The following IPO8 variants were observed in gnomAD, a reference collection of about 807,000 sequenced individuals.
The protein encoded by IPO8 is importin-8.
In IPO8, 65 loss-of-function variants were observed where a neutral mutation model predicts 141.2. That is an observed-to-expected ratio of 0.46 (90% CI 0.38 to 0.57). The LOEUF (loss-of-function observed/expected upper bound fraction) is 0.57, where lower values mean the gene tolerates loss of function less well. Among genes scored for constraint, IPO8 ranks in the 20% least tolerant of loss-of-function variants. The probability of loss-of-function intolerance (pLI) is 0.00; values close to 1 mark genes in which losing one functional copy is unlikely to be tolerated. For missense variants in IPO8, 980 were observed against 1,246.8 expected, an observed-to-expected ratio of 0.79 and a Z score of 3.22; for synonymous variants, 411 against 420.3, an observed-to-expected ratio of 0.98 and a Z score of 0.27.
chr12:30,639,427 TTA>T (rs1029212454), intron 21 of IPO8, 86 bp downstream of exon 21: 1 of 802,590 alleles, frequency 1.2e-6, no homozygotes, highest in Non-Finnish European at 2.0e-6. Flanking sequence ...GACATGAAAA[TTA>T]TCTTTGTACA....
At chr12:30,683,361 T>G (rs1468893309) in intron 3 of IPO8, among the ~76,000 whole-genome samples, 3 of 152,138 alleles carry the variant, frequency 2.0e-5, no homozygotes, top group African/African-American at 7.2e-5. Flanking sequence ...CCGTCGTACT[T>G]CCTTCCTTTT....
At chr12:30,692,664 G>T (rs556124853) in intron 1 of IPO8, among the ~76,000 whole-genome samples, 1 of 152,102 alleles carries the variant, frequency 6.6e-6, no homozygotes, top group African/African-American at 2.4e-5. Flanking sequence ...TCACTGCTCC[G>T]CTGCATTAAC....
At chr12:30,676,428 A>T in intron 6 of IPO8, 70 bp downstream of exon 6, 1 of 880,210 alleles carries the variant, frequency 1.1e-6, no homozygotes, top group Non-Finnish European at 1.8e-6. Context: ...AGTCAGGGAT[A>T]ATGCATCAGT....
At chr12:30,688,268 T>C (rs2053261318) in intron 2 of IPO8, 1 of 256,420 alleles carries the variant, frequency 3.9e-6, no homozygotes, top group South Asian at 3.6e-5. Context: ...AGACCAAACA[T>C]TCAAATTTTT....
intron 22 of IPO8, 57 bp from the exon 23 acceptor site, chr12:30,634,343 ACTTCACG>A: frequency 7.0e-7 from 1 of 1,422,528 alleles, no homozygotes; most frequent in South Asian, 1.2e-5. Flanking sequence ...AAAATATAAA[ACTTCACG>A]ACAAAAACCA....
At chr12:30,690,166 G>A (rs1038497101) in intron 2 of IPO8, among the ~76,000 whole-genome samples, 11 of 152,284 alleles carry the variant, frequency 7.2e-5, no homozygotes, top group Middle Eastern at 3.4e-3. Context: ...CTTAATCTAT[G>A]GGCCCAGAGG....
Position 30,636,976 on chromosome 12 carries a change from CTT to C in IPO8, c.2695+4_2695+5del, listed in dbSNP as rs1206247866. On this transcript the variant is annotated splice_donor_5th_base_variant and intron_variant, in intron 22 of 24. Coordinates refer to ENST00000256079, the MANE Select transcript of IPO8 (RefSeq NM_006390.4). ...TGTAACATTAATTTCAATTAGAAGA[CTT>C]TACCATTTTCTTCCATATCAGCTTT... The C allele has an allele frequency of 3.1e-6, 5 of 1,610,288 alleles. No individual in the cohort carries two copies. Among genetic ancestry groups the C allele is most frequent in the Non-Finnish European group, 4.2e-6 (5 of 1,176,720 alleles).
At chr12:30,669,128 G>A (rs1022945783) in intron 10 of IPO8, 55 bp downstream of exon 10, 14 of 722,806 alleles carry the variant, frequency 1.9e-5, no homozygotes, top group African/African-American at 1.6e-4. Context: ...TATAAATTTA[G>A]TTATATTACT....
intron 19 of IPO8, among the ~76,000 whole-genome samples, chr12:30,650,674 T>C (rs1297626717): frequency 6.6e-6 from 1 of 152,036 alleles, no homozygotes; most frequent in Non-Finnish European, 1.5e-5. Context: ...AAAAGAAAAA[T>C]AATTACTCCC....
chr12:30,684,315 A>C lies in IPO8; in HGVS notation c.309T>G (p.Ser103=). 8 of 1,614,066 alleles carry C rather than the reference A, an allele frequency of 5.0e-6. No homozygotes were observed. The highest frequency in any genetic ancestry group is 6.8e-6 in the Non-Finnish European group (8 of 1,179,948). ...GCACCACATACCTCACTAAATCTGG[A>C]GACCGAATTATTCCTTCCACAATGT... ...RDNIVEGIIR[S]PDLVRVQLTM... The change falls in exon 3 of 25, where the codon TCT becomes TCG. Residue 103 remains serine, a synonymous_variant. Transcript: ENST00000256079.
Position 30,629,639 on chromosome 12 carries a change from T to C in IPO8, c.*1221A>G. 1 of 152,318 alleles carries C rather than the reference T, an allele frequency of 6.6e-6. No homozygotes were observed. Among genetic ancestry groups the C allele is most frequent in the Non-Finnish European group, 1.5e-5 (1 of 68,034 alleles). The allele number at this position is 152,318 out of a possible 1,614,324, so 9.4% of individuals were successfully genotyped here. A position where few individuals can be genotyped will look rare whatever the true frequency, so the allele number is the denominator to read the frequency against. ...TTTTCATTTTGCTGAATAAAAACCC[T>C]ATGACCCATGTTCTGGTCTTGAACT... On this transcript the variant is annotated 3_prime_UTR_variant, in exon 25 of 25. Coordinates refer to ENST00000256079, the MANE Select transcript of IPO8 (RefSeq NM_006390.4).
At chr12:30,666,135 C>T in intron 11 of IPO8, 40 bp downstream of exon 11, 2 of 1,257,190 alleles carry the variant, frequency 1.6e-6, no homozygotes, top group Admixed American at 2.1e-5. Context: ...TCAACACAGG[C>T]CACCTTTCAG....
At chr12:30,645,893 CA>C (rs2052638744) in intron 20 of IPO8, among the ~76,000 whole-genome samples, 1 of 151,922 alleles carries the variant, frequency 6.6e-6, no homozygotes, top group African/African-American at 2.4e-5. Flanking sequence ...AAAACACAGA[CA>C]AAAATAGGCC....
chr12:30,669,453 A>AT (rs917820871), intron 9 of IPO8, among the ~76,000 whole-genome samples, 171 bp from the exon 10 acceptor site: 2 of 151,986 alleles, frequency 1.3e-5, no homozygotes, highest in East Asian at 1.9e-4. Context: ...TTATTTTGAA[A>AT]TTTTTTTTAA....
chr12:30,645,977 A>G (rs1398496820), intron 20 of IPO8, among the ~76,000 whole-genome samples: 1 of 152,210 alleles, frequency 6.6e-6, no homozygotes, highest in African/African-American at 2.4e-5. Context: ...CTTTGAACAA[A>G]GAGAAAGGAT....
chr12:30,691,660 G>A (rs771752184), intron 1 of IPO8, among the ~76,000 whole-genome samples: 12 of 152,206 alleles, frequency 7.9e-5, no homozygotes, highest in Non-Finnish European at 1.6e-4. Context: ...CAGAGAGTCT[G>A]TTCAGCTCAC....
chr12:30,678,684 G>A (rs1215054608), intron 5 of IPO8, among the ~76,000 whole-genome samples: 1 of 152,130 alleles, frequency 6.6e-6, no homozygotes, highest in Non-Finnish European at 1.5e-5. Context: ...ATATTAAGAA[G>A]TTTCAAATGC....
intron 2 of IPO8, among the ~76,000 whole-genome samples, chr12:30,689,713 C>T (rs1487398239): frequency 6.6e-6 from 1 of 152,158 alleles, no homozygotes; most frequent in African/African-American, 2.4e-5. Flanking sequence ...GTTCACCTAA[C>T]GTTAATGATG....
chr12:30,661,452 C>T (rs2052886176), intron 15 of IPO8, among the ~76,000 whole-genome samples, 186 bp from the exon 16 acceptor site: 1 of 152,068 alleles, frequency 6.6e-6, no homozygotes. Context: ...TTAAATATAG[C>T]TATTTACATT....
Sources: gnomAD v4.1 joint callset for allele counts (sites outside exome capture counted in the v4.1 genomes callset) on GRCh38, gnomAD v4.1.1 for gene constraint, MANE v1.5 for transcripts, NCBI Gene and HGNC (gene_info 2026-07-23, HGNC 2026-07-21) for gene names.